CFAP47: variants seen among roughly 807,000 people sequenced by gnomAD.
CFAP47 encodes the protein cilia and flagella associated protein 47.
Under a neutral mutation model 148.1 loss-of-function variants are expected in CFAP47, and 29 were observed. The observed-to-expected ratio is 0.20, with a 90% CI of 0.15 to 0.27. CFAP47 has a LOEUF of 0.27. Ranked by LOEUF, CFAP47 falls within the 10% of genes least tolerant of loss-of-function variation. CFAP47 has a pLI of 1.00. For missense variants in CFAP47, 1,872 were observed against 1,697.5 expected, an observed-to-expected ratio of 1.10 and a Z score of -1.81; for synonymous variants, 664 against 577.3, an observed-to-expected ratio of 1.15 and a Z score of -2.15.
At chrX:35,975,549 A>T in intron 14 of CFAP47, 123 bp from the exon 15 acceptor site, 1 of 753,123 alleles carries the variant, frequency 1.3e-6, no homozygotes, top group Non-Finnish European at 1.9e-6. Context: ...TTTCATAATT[A>T]AAGTATTACG....
intron 55 of CFAP47, among the ~76,000 whole-genome samples, chrX:36,309,578 G>A (rs1435811467): frequency 1.8e-5 from 2 of 111,005 alleles, no homozygotes; most frequent in Non-Finnish European, 3.8e-5. Flanking sequence ...AAAAGTGTTG[G>A]ATGTCAGTGT....
At chrX:36,202,504 C>T (rs1406473445) in intron 44 of CFAP47, among the ~76,000 whole-genome samples, 1 of 111,376 alleles carries the variant, frequency 9.0e-6, no homozygotes, top group East Asian at 2.8e-4. Flanking sequence ...GTGTCTTCCC[C>T]ATGGCCTTTG....
At chrX:35,929,671 A>G (rs1365201174) in intron 2 of CFAP47, among the ~76,000 whole-genome samples, 1 of 109,137 alleles carries the variant, frequency 9.2e-6, no homozygotes, top group Non-Finnish European at 1.9e-5. Flanking sequence ...TTCTTTCTTT[A>G]TTTCCATGGC....
At position 36,013,885 on chromosome X, in the gene CFAP47, G is replaced by A. The variant is rs1937067802; in HGVS notation, c.3418-889G>A. On this transcript the variant is annotated intron_variant, in intron 21 of 63. Coordinates refer to ENST00000378653, the MANE Select transcript of CFAP47 (RefSeq NM_001304548.2). ...TTGTTATTCATTCACCATTTGGAGA[G>A]CATTTGGATTATTTTCAGTTTTTGG... is the stretch of plus-strand genomic sequence containing the variant. Among the ~76,000 whole-genome samples the A allele has an allele frequency of 4.5e-5, 5 of 111,972 alleles. No homozygotes were observed. The South Asian group carries it at 1.8e-3, about 41-fold the overall frequency.
intron 29 of CFAP47, among the ~76,000 whole-genome samples, chrX:36,077,315 G>A (rs1326177537): frequency 3.9e-5 from 4 of 101,848 alleles, no homozygotes; most frequent in African/African-American, 1.4e-4. Context: ...AAATAGCATT[G>A]GTAATGTGGT....
chrX:36,255,132 T>C (rs1555998795), intron 49 of CFAP47, among the ~76,000 whole-genome samples: 1 of 111,556 alleles, frequency 9.0e-6, no homozygotes, highest in African/African-American at 3.3e-5. Context: ...AAAGTGAAGA[T>C]GGACCATTCT....
chrX:36,095,576 T>A (rs1035884545), intron 30 of CFAP47, among the ~76,000 whole-genome samples: 1 of 111,516 alleles, frequency 9.0e-6, no homozygotes, highest in Non-Finnish European at 1.9e-5. Context: ...ATTGGTCTGT[T>A]CAGGTTTTGG....
intron 22 of CFAP47, among the ~76,000 whole-genome samples, chrX:36,027,370 T>G (rs2146715506): frequency 9.2e-6 from 1 of 109,229 alleles, no homozygotes; most frequent in South Asian, 3.9e-4. Context: ...CTCCAATGTC[T>G]ATTACTCCAT....
chrX:36,149,665 G>A, intron 37 of CFAP47, among the ~76,000 whole-genome samples: 1 of 107,140 alleles, frequency 9.3e-6, no homozygotes. Flanking sequence ...CTGGAGTGCA[G>A]TGGCACGATC....
chrX:36,316,034 G>A (rs1231714835), intron 56 of CFAP47, among the ~76,000 whole-genome samples: 1 of 111,736 alleles, frequency 8.9e-6, no homozygotes, highest in Non-Finnish European at 1.9e-5. Flanking sequence ...CGATCATGGA[G>A]CTATTAAGTG....
intron 33 of CFAP47, among the ~76,000 whole-genome samples, chrX:36,119,255 T>C (rs960784564): frequency 5.4e-5 from 6 of 111,863 alleles, no homozygotes; most frequent in African/African-American, 2.0e-4. Flanking sequence ...ATACTCAGCT[T>C]TTTGAGGGTT....
chrX:36,143,956 C>T (rs898716711), intron 35 of CFAP47, among the ~76,000 whole-genome samples: 1 of 110,913 alleles, frequency 9.0e-6, no homozygotes, highest in African/African-American at 3.3e-5. Flanking sequence ...CACAATGTAG[C>T]CTGGCACTCC....
At chrX:36,207,097 G>T (rs1323738504) in intron 45 of CFAP47, among the ~76,000 whole-genome samples, 1 of 111,976 alleles carries the variant, frequency 8.9e-6, no homozygotes, top group African/African-American at 3.2e-5. Context: ...TAAACTCTGT[G>T]CATTCTGCTG....
chrX:36,022,139 C>T lies in CFAP47; in HGVS notation c.3556+7227C>T, dbSNP rs1243445531. ...CATTTGCTTTCTGATTGAAGTACTC[C>T]ACGCATTCCTTGTAGGACAATTCTG... On this transcript the variant is annotated intron_variant, in intron 22 of 63. Transcript: ENST00000378653. 12 of 111,592 alleles carry T rather than the reference C, an allele frequency of 1.1e-4. No homozygotes were observed. In the Admixed American group the frequency reaches 1.1e-3, roughly 11 times the overall value. The allele number at this position is 111,592 out of a possible 1,213,427, so 9.2% of individuals were successfully genotyped here.
intron 26 of CFAP47, among the ~76,000 whole-genome samples, chrX:36,064,961 T>C (rs762958923): frequency 2.7e-5 from 3 of 111,683 alleles, no homozygotes; most frequent in African/African-American, 9.7e-5. Flanking sequence ...ACTTTTGCAG[T>C]ATATATTGCT....
Position 36,099,800 on chromosome X carries a change from G to A in CFAP47, c.5048G>A (p.Cys1683Tyr), listed in dbSNP as rs1441900183. 1.1e-6 allele frequency: 1 copy of A among 886,063 alleles called. No homozygotes were observed. The highest frequency in any genetic ancestry group is 1.7e-6 in the Non-Finnish European group (1 of 600,661). The allele number at this position is 886,063 out of a possible 1,213,427, so 73.0% of individuals were successfully genotyped here. Residue 1683 changes from cysteine (C) to tyrosine (Y), a missense_variant, in exon 32 of 64, where the codon TGT (cysteine) becomes TAT (tyrosine). By Grantham distance (194) the Cys-to-Tyr change is radical (BLOSUM62 -2). Coordinates refer to ENST00000378653, the MANE Select transcript of CFAP47 (RefSeq NM_001304548.2). ...AGTTCCTGTACACCTAAGAAAAAATGTTCTATTGTTATAGAAATGTCTAAA... is the reference window on the plus strand; with the variant it reads ...AGTTCCTGTACACCTAAGAAAAAATATTCTATTGTTATAGAAATGTCTAAA... ...PVSSCTPKKK[C>Y]SIVIEMSKFE...
chrX:36,240,207 G>A (rs1313544537), intron 48 of CFAP47, among the ~76,000 whole-genome samples: 3 of 111,594 alleles, frequency 2.7e-5, no homozygotes, highest in African/African-American at 9.8e-5. Flanking sequence ...AATTAATTAT[G>A]AGATGAAGCA....
chrX:36,038,939 T>C, intron 24 of CFAP47, 45 bp from the exon 25 acceptor site: 1 of 654,732 alleles, frequency 1.5e-6, no homozygotes, highest in South Asian at 4.7e-5. Flanking sequence ...ATTTTTTGTG[T>C]GTTTTAACTA....
intron 39 of CFAP47, among the ~76,000 whole-genome samples, chrX:36,174,476 G>C (rs1453580050): frequency 1.2e-4 from 13 of 110,238 alleles, no homozygotes; most frequent in African/African-American, 4.3e-4. Flanking sequence ...TCCTTCAGGA[G>C]CTCTTTTAGG....
Sources: gnomAD v4.1 joint callset for allele counts (sites outside exome capture counted in the v4.1 genomes callset) on GRCh38, gnomAD v4.1.1 for gene constraint, MANE v1.5 for transcripts, NCBI Gene and HGNC (gene_info 2026-07-23, HGNC 2026-07-21) for gene names.